Variants in ADAMTS14 observed in about 807,000 individuals in gnomAD.
The protein encoded by ADAMTS14 is A disintegrin and metalloproteinase with thrombospondin motifs 14.
A neutral mutation model predicts 128.6 loss-of-function variants in ADAMTS14; 100 were observed. The ratio of observed to expected loss-of-function variants is 0.78; its 90% CI spans 0.66 to 0.92. ADAMTS14 has a LOEUF of 0.92. Among genes scored for constraint, ADAMTS14 ranks in the 40% least tolerant of loss-of-function variants. The pLI is 0.00. For missense variants in ADAMTS14, 1,562 were observed against 1,658.6 expected (o/e 0.94, Z 1.01); for synonymous variants, 665 against 653.8 (o/e 1.02, Z -0.26).
intron 2 of ADAMTS14, among the ~76,000 whole-genome samples, chr10:70,675,379 TG>T (rs1340572764): frequency 2.0e-5 from 3 of 152,156 alleles, no homozygotes; most frequent in Admixed American, 1.3e-4. Context: ...TTCTAGATGC[TG>T]GGGGTACAGT....
chr10:70,687,966 C>A (rs1840035805), intron 2 of ADAMTS14, among the ~76,000 whole-genome samples: 1 of 56,370 alleles, frequency 1.8e-5, no homozygotes, highest in Non-Finnish European at 3.4e-5. Context: ...GGGGGGCTGA[C>A]CCCCCCCCCG....
At chr10:70,689,029 G>T (rs1840106171) in intron 2 of ADAMTS14, among the ~76,000 whole-genome samples, 1 of 106,684 alleles carries the variant, frequency 9.4e-6, no homozygotes, top group African/African-American at 2.8e-5. Context: ...CTTGAGGCTG[G>T]CAGGGGCCCA....
chr10:70,712,544 T>G (rs191048261), intron 4 of ADAMTS14, among the ~76,000 whole-genome samples: 1 of 152,096 alleles, frequency 6.6e-6, no homozygotes, highest in Admixed American at 6.5e-5. Flanking sequence ...CATTATAGAT[T>G]AGGAATTTTA....
intron 15 of ADAMTS14, among the ~76,000 whole-genome samples, chr10:70,748,006 T>C (rs927267942): frequency 6.6e-6 from 1 of 152,058 alleles, no homozygotes; most frequent in African/African-American, 2.4e-5. Context: ...TCTCCTGGAA[T>C]TGGGGACATG....
chr10:70,759,245 A>G (rs1442309727), intron 21 of ADAMTS14, among the ~76,000 whole-genome samples: 1 of 150,994 alleles, frequency 6.6e-6, no homozygotes, highest in Non-Finnish European at 1.5e-5. Context: ...GGCGCCATCT[A>G]GAGGCCACTG....
At chr10:70,679,758 A>G (rs1297899962) in intron 2 of ADAMTS14, among the ~76,000 whole-genome samples, 1 of 152,192 alleles carries the variant, frequency 6.6e-6, no homozygotes, top group African/African-American at 2.4e-5. Context: ...ATTTGTCACC[A>G]TCTGGTTCTG....
chr10:70,684,132 C>A (rs1839890388), intron 2 of ADAMTS14, among the ~76,000 whole-genome samples: 1 of 151,680 alleles, frequency 6.6e-6, no homozygotes, highest in African/African-American at 2.4e-5. Context: ...ATGGCGGGAG[C>A]AGGAGCAAGA....
Position 70,745,250 on chromosome 10 carries a change from C to A in ADAMTS14, c.2207C>A (p.Pro736Gln). 1.2e-6 allele frequency: 2 copies of A among 1,612,502 alleles called. No homozygotes were observed. The highest frequency in any genetic ancestry group is 1.7e-6 in the Non-Finnish European group (2 of 1,179,980). Residue 736 changes from proline to glutamine, a missense_variant, in exon 15 of 22, where the codon CCA becomes CAA. Pro to Gln is a moderately conservative substitution (Grantham distance 76, BLOSUM62 -1). Coordinates refer to ENST00000373207, the MANE Select transcript of ADAMTS14 (RefSeq NM_080722.4). ...QAGALKLVQI[P>Q]AGARHIQIEA... ...GGAGCTCTCAAGCTGGTGCAGATCC[C>A]AGCAGGTGCCAGGCACATCCAGATT...
intron 2 of ADAMTS14, among the ~76,000 whole-genome samples, chr10:70,676,742 G>A (rs148032082): frequency 2.6e-5 from 4 of 152,334 alleles, no homozygotes; most frequent in African/African-American, 9.6e-5. Flanking sequence ...TGGTCACCCC[G>A]CTGGCTAGAG....
At chr10:70,711,657 A>T (rs978497615) in intron 4 of ADAMTS14, among the ~76,000 whole-genome samples, 3 of 152,242 alleles carry the variant, frequency 2.0e-5, no homozygotes, top group Non-Finnish European at 4.4e-5. Context: ...TTTTGCGTGT[A>T]TAAGTTGTTC....
chr10:70,691,172 T>C (rs1840175302), intron 2 of ADAMTS14, among the ~76,000 whole-genome samples: 2 of 143,606 alleles, frequency 1.4e-5, no homozygotes, highest in Non-Finnish European at 3.2e-5. Context: ...GGAGTAGAAA[T>C]AAAAAGTGAC....
intron 13 of ADAMTS14, 21 bp downstream of exon 13, chr10:70,743,702 C>T (rs759602576): frequency 1.9e-6 from 3 of 1,550,968 alleles, no homozygotes; most frequent in African/African-American, 2.7e-5. Flanking sequence ...CCCCAGCCAC[C>T]CCGACTACCG....
rs144560657 is a variant in ADAMTS14, at chr10:70,694,746, G to A, written c.523-7566G>A. 2.6e-3 allele frequency among the ~76,000 whole-genome samples: 403 copies of A among 152,228 alleles called. 2 individuals are homozygous for A. The highest frequency in any genetic ancestry group is 9.5e-3 in the African/African-American group (394 of 41,520). On this transcript the variant is annotated intron_variant, in intron 2 of 21. Coordinates refer to ENST00000373207, the MANE Select transcript of ADAMTS14 (RefSeq NM_080722.4). Reference sequence around the variant, plus strand: ...TTCTACGGCAAAATAATATTTCATTGTATGGCTATATATATATAGTTTGTT... The same window carrying A: ...TTCTACGGCAAAATAATATTTCATTATATGGCTATATATATATAGTTTGTT...
At chr10:70,682,491 G>A (rs546337682) in intron 2 of ADAMTS14, among the ~76,000 whole-genome samples, 34 of 152,306 alleles carry the variant, frequency 2.2e-4, no homozygotes, top group Non-Finnish European at 4.6e-4. Context: ...AGCTCTGCCT[G>A]TTACATGCCA....
rs1841193702 is a variant in ADAMTS14 at position 70,719,766 on chromosome 10, G to A, written c.871-9528G>A. Among the ~76,000 whole-genome samples the A allele has an allele frequency of 2.0e-5, 3 of 152,184 alleles. No homozygotes were observed. The South Asian group carries it at 6.2e-4, about 32-fold the overall frequency. ...CAAGCACATGCTATGGGCCAGGCCT[G>A]GTTTCAAAGCCTTGACATCTGTTTT... On this transcript the variant is annotated intron_variant, in intron 4 of 21. Transcript: ENST00000373207.
At chr10:70,705,056 CAT>C (rs1438975136) in intron 3 of ADAMTS14, among the ~76,000 whole-genome samples, 1 of 152,156 alleles carries the variant, frequency 6.6e-6, no homozygotes, top group Non-Finnish European at 1.5e-5. Flanking sequence ...CATACACACA[CAT>C]GCTCATATAC....
At chr10:70,743,407 T>C in intron 12 of ADAMTS14, 141 bp from the exon 13 acceptor site, 1 of 972,656 alleles carries the variant, frequency 1.0e-6, no homozygotes, top group Non-Finnish European at 1.4e-6. Context: ...GCAGGGATTT[T>C]CAGCCCCCGT....
Position 70,736,601 on chromosome 10 carries a change from T to A in ADAMTS14, c.1486-79T>A, listed in dbSNP as rs1051175684. On this transcript the variant is annotated intron_variant, in intron 9 of 21. Transcript: ENST00000373207. ...CTGGGTGCCTGCACTCATCACACCCTCTTTTCTCTCCATCACTACCCTTTG... is the reference window on the plus strand; with the variant it reads ...CTGGGTGCCTGCACTCATCACACCCACTTTTCTCTCCATCACTACCCTTTG... The A allele has an allele frequency of 2.2e-6, 3 of 1,382,586 alleles. No homozygotes were observed. The African/African-American group carries it at 4.3e-5, about 20-fold the overall frequency. 85.6% of individuals were successfully genotyped at this position (1,382,586 alleles called of 1,614,324 possible).
chr10:70,722,779 G>T (rs1276045816), intron 4 of ADAMTS14, among the ~76,000 whole-genome samples: 2 of 152,110 alleles, frequency 1.3e-5, no homozygotes, highest in Non-Finnish European at 2.9e-5. Flanking sequence ...ATAGCCCAAG[G>T]TATAAAATAG....
Sources: gnomAD v4.1 joint callset for allele counts (sites outside exome capture counted in the v4.1 genomes callset) on GRCh38, gnomAD v4.1.1 for gene constraint, MANE v1.5 for transcripts, NCBI Gene and HGNC (gene_info 2026-07-23, HGNC 2026-07-21) for gene names.